Variants in FAM83B observed in about 807,000 individuals in gnomAD.
FAM83B encodes protein FAM83B.
A neutral mutation model predicts 38.8 loss-of-function variants in FAM83B; 26 were observed. The observed-to-expected ratio is 0.67, with a 90% CI of 0.49 to 0.93. FAM83B has a LOEUF of 0.93. Ranked by LOEUF, FAM83B falls within the 40% of genes least tolerant of loss-of-function variation. The pLI is 0.00. For synonymous variants in FAM83B, 419 were observed against 423.1 expected, an observed-to-expected ratio of 0.99 and a Z score of 0.12; for missense variants, 1,237 against 1,197.3, an observed-to-expected ratio of 1.03 and a Z score of -0.49.
intron 2 of FAM83B, among the ~76,000 whole-genome samples, chr6:54,901,926 C>A (rs1300298284): frequency 6.6e-6 from 1 of 152,114 alleles, no homozygotes; most frequent in Non-Finnish European, 1.5e-5. Context: ...CAGCTGTCTT[C>A]CCATCCGTGG....
intron 1 of FAM83B, among the ~76,000 whole-genome samples, chr6:54,864,742 A>G (rs772054897): frequency 2.0e-5 from 3 of 152,222 alleles, no homozygotes; most frequent in Non-Finnish European, 2.9e-5. Context: ...AAGAAAAGAT[A>G]TATGATTTTC....
chr6:54,854,917 T>G (rs1012846854), intron 1 of FAM83B, among the ~76,000 whole-genome samples: 1 of 152,206 alleles, frequency 6.6e-6, no homozygotes, highest in Non-Finnish European at 1.5e-5. Flanking sequence ...TAAAAAATTG[T>G]TCCTTTTCTT....
At position 54,902,009 on chromosome 6, in the gene FAM83B, C is replaced by G. The variant is rs1309715167; in HGVS notation, c.445-24362C>G. Among the ~76,000 whole-genome samples, 8 of 152,250 alleles carry G rather than the reference C, an allele frequency of 5.3e-5. No homozygotes were observed. The Middle Eastern group carries it at 0.014, about 259-fold the overall frequency. On this transcript the variant is annotated intron_variant, in intron 2 of 4. Coordinates refer to ENST00000306858, the MANE Select transcript of FAM83B (RefSeq NM_001010872.3). ...AATTTGCTGCTATTTGCCTGAAACA[C>G]TTTCAACACAGTTATTTTCTATTTC...
At chr6:54,846,554 C>G (rs1042856162), upstream of FAM83B, among the ~76,000 whole-genome samples, 1 of 152,322 alleles carries the variant, frequency 6.6e-6, no homozygotes, top group South Asian at 2.1e-4. Flanking sequence ...TGAGTTCAGA[C>G]AGGTTCCGAG....
At chr6:54,854,033 T>C (rs753645571) in intron 1 of FAM83B, among the ~76,000 whole-genome samples, 3 of 152,208 alleles carry the variant, frequency 2.0e-5, no homozygotes, top group Non-Finnish European at 4.4e-5. Flanking sequence ...GAGGATGTAA[T>C]TGCAGATATG....
chr6:54,916,730 C>T (rs752758505), intron 2 of FAM83B, among the ~76,000 whole-genome samples: 3 of 152,146 alleles, frequency 2.0e-5, no homozygotes, highest in Non-Finnish European at 2.9e-5. Flanking sequence ...TCATGCTTTT[C>T]GATACCCCTC....
At chr6:54,886,781 G>C (rs756695891) in intron 2 of FAM83B, among the ~76,000 whole-genome samples, 1 of 151,208 alleles carries the variant, frequency 6.6e-6, no homozygotes, top group Non-Finnish European at 1.5e-5. Flanking sequence ...ATTTTTCCAG[G>C]ATTCTTGAAT....
At chr6:54,878,656 A>T (rs1196428573) in intron 2 of FAM83B, among the ~76,000 whole-genome samples, 2 of 152,192 alleles carry the variant, frequency 1.3e-5, no homozygotes, top group East Asian at 3.9e-4. Context: ...TGCATCAGAG[A>T]GGAAACATGG....
At chr6:54,917,573 G>A (rs979374882) in intron 2 of FAM83B, among the ~76,000 whole-genome samples, 1 of 151,988 alleles carries the variant, frequency 6.6e-6, no homozygotes, top group East Asian at 1.9e-4. Flanking sequence ...TTGCCTTCTT[G>A]TTCAGAATTT....
At chr6:54,927,956 A>G (rs554258155) in intron 4 of FAM83B, among the ~76,000 whole-genome samples, 1 of 152,210 alleles carries the variant, frequency 6.6e-6, no homozygotes, top group South Asian at 2.1e-4. Context: ...AACATTACAT[A>G]GTATGGATTT....
At chr6:54,871,239 G>A (rs1258164244) in intron 2 of FAM83B, among the ~76,000 whole-genome samples, 3 of 152,038 alleles carry the variant, frequency 2.0e-5, no homozygotes, top group African/African-American at 4.8e-5. Flanking sequence ...TAAGGCTTTG[G>A]TGTTCTTTAT....
intron 2 of FAM83B, among the ~76,000 whole-genome samples, chr6:54,892,204 C>G (rs550099154): frequency 6.6e-6 from 1 of 152,262 alleles, no homozygotes; most frequent in South Asian, 2.1e-4. Context: ...AAGAAGCCCT[C>G]ACTTCATCCA....
intron 3 of FAM83B, among the ~76,000 whole-genome samples, chr6:54,927,112 ACT>A (rs1773308043): frequency 6.6e-6 from 1 of 151,938 alleles, no homozygotes; most frequent in Non-Finnish European, 1.5e-5. Flanking sequence ...GAAACCAGTG[ACT>A]CTGGTGCTTC....
intron 4 of FAM83B, among the ~76,000 whole-genome samples, chr6:54,931,431 C>G (rs1025219459): frequency 1.3e-5 from 2 of 152,006 alleles, no homozygotes; most frequent in Non-Finnish European, 2.9e-5. Context: ...CCTTTCAATT[C>G]TGTTAAAGTT....
chr6:54,892,921 T>C (rs1220312745), intron 2 of FAM83B, among the ~76,000 whole-genome samples: 1 of 151,996 alleles, frequency 6.6e-6, no homozygotes, highest in East Asian at 1.9e-4. Context: ...GGCATCATGA[T>C]TCCCCCTTGC....
At chr6:54,908,520 TA>T (rs1772828183) in intron 2 of FAM83B, among the ~76,000 whole-genome samples, 1 of 152,100 alleles carries the variant, frequency 6.6e-6, no homozygotes, top group African/African-American at 2.4e-5. Context: ...ATTTCTAAAT[TA>T]AAAATTTAAA....
At chr6:54,848,483 T>A (rs963042325) in intron 1 of FAM83B, among the ~76,000 whole-genome samples, 2 of 152,202 alleles carry the variant, frequency 1.3e-5, no homozygotes, top group African/African-American at 4.8e-5. Flanking sequence ...AAACCACACC[T>A]CTGGTGCTGA....
At chr6:54,912,629 T>C (rs1772936945) in intron 2 of FAM83B, among the ~76,000 whole-genome samples, 1 of 151,958 alleles carries the variant, frequency 6.6e-6, no homozygotes, top group Non-Finnish European at 1.5e-5. Flanking sequence ...TATCGTTAGT[T>C]GTTAAATACT....
At chr6:54,915,498 T>A (rs1249679924) in intron 2 of FAM83B, among the ~76,000 whole-genome samples, 1 of 152,136 alleles carries the variant, frequency 6.6e-6, no homozygotes, top group Non-Finnish European at 1.5e-5. Context: ...CTAACTCCTC[T>A]ACCTACTGGT....
Sources: allele counts gnomAD v4.1 joint callset (sites outside exome capture counted in the v4.1 genomes callset), GRCh38; gene constraint gnomAD v4.1.1; transcripts MANE v1.5; gene names NCBI Gene and HGNC (gene_info 2026-07-23, HGNC 2026-07-21).